The following ALMS1 variants were observed in gnomAD, a reference collection of about 807,000 sequenced individuals.
ALMS1 encodes centrosome-associated protein ALMS1.
ALMS1 carries 271 observed loss-of-function variants against 352.2 expected under a neutral mutation model. That is an observed-to-expected ratio of 0.77 (90% CI 0.70 to 0.85). The LOEUF (loss-of-function observed/expected upper bound fraction) is 0.85. Ranked by LOEUF, ALMS1 falls within the 40% of genes least tolerant of loss-of-function variation. The probability of loss-of-function intolerance (pLI) is 0.00; values close to 1 mark genes in which losing one functional copy is unlikely to be tolerated. For missense variants in ALMS1, 5,445 were observed against 4,870.7 expected, an observed-to-expected ratio of 1.12 and a Z score of -3.51; for synonymous variants, 1,865 against 1,761.2, an observed-to-expected ratio of 1.06 and a Z score of -1.48.
At chr2:73,535,157 G>A (rs1490427929) in intron 12 of ALMS1, among the ~76,000 whole-genome samples, 1 of 152,134 alleles carries the variant, frequency 6.6e-6, no homozygotes, top group Non-Finnish European at 1.5e-5. Context: ...GAAGGAAATT[G>A]TATGGATCAT....
chr2:73,538,798 G>A (rs1034507865), intron 12 of ALMS1, among the ~76,000 whole-genome samples: 1 of 152,216 alleles, frequency 6.6e-6, no homozygotes, highest in African/African-American at 2.4e-5. Context: ...TAGCACAGCA[G>A]TCTGAGATCA....
At chr2:73,395,085 T>A (rs1670734810) in intron 1 of ALMS1, among the ~76,000 whole-genome samples, 3 of 132,048 alleles carry the variant, frequency 2.3e-5, no homozygotes, top group African/African-American at 8.7e-5. Context: ...TATATTTTTT[T>A]TTTTTTTTTT....
At chr2:73,526,494 A>G (rs1315305155) in intron 11 of ALMS1, among the ~76,000 whole-genome samples, 1 of 152,126 alleles carries the variant, frequency 6.6e-6, no homozygotes, top group African/African-American at 2.4e-5. Context: ...TTTCCTTTAT[A>G]GAGATCTTTC....
At chr2:73,466,726 T>C (rs1037425387) in intron 9 of ALMS1, among the ~76,000 whole-genome samples, 7 of 152,052 alleles carry the variant, frequency 4.6e-5, no homozygotes, top group South Asian at 2.1e-4. Context: ...GTAGGAAATA[T>C]TAAAGAGCAA....
intron 11 of ALMS1, among the ~76,000 whole-genome samples, chr2:73,528,704 G>A (rs1489477053): frequency 6.6e-6 from 1 of 152,030 alleles, no homozygotes; most frequent in Non-Finnish European, 1.5e-5. Flanking sequence ...CTTTGGATAG[G>A]AGGATTTAGT....
chr2:73,481,578 A>G (rs1572961631), intron 9 of ALMS1, among the ~76,000 whole-genome samples: 1 of 151,852 alleles, frequency 6.6e-6, no homozygotes. Flanking sequence ...TTGGTTCCAT[A>G]TGAACTTTAA....
intron 1 of ALMS1, among the ~76,000 whole-genome samples, chr2:73,395,308 G>C (rs1186856574): frequency 6.6e-6 from 1 of 151,332 alleles, no homozygotes; most frequent in East Asian, 1.9e-4. Context: ...CCGAACTCCT[G>C]ACTCAAGTGA....
chr2:73,447,890 C>T, intron 7 of ALMS1, 70 bp from the exon 8 acceptor site: 6 of 1,475,134 alleles, frequency 4.1e-6, no homozygotes, highest in Non-Finnish European at 5.4e-6. Context: ...TCAAAGCTGG[C>T]TTTTTTCCAG....
At chr2:73,484,747 C>T (rs1218705284) in intron 9 of ALMS1, among the ~76,000 whole-genome samples, 4 of 152,152 alleles carry the variant, frequency 2.6e-5, no homozygotes, top group Non-Finnish European at 2.9e-5. Context: ...CACATAGTCC[C>T]ATATTTCTTG....
Position 73,609,821 on chromosome 2 carries a change from A to G in ALMS1, c.*209A>G, listed in dbSNP as rs573978557. 173 of 576,474 alleles carry G rather than the reference A, an allele frequency of 3.0e-4. 1 individual carries two copies. The highest frequency in any genetic ancestry group is 2.8e-4 in the African/African-American group (15 of 53,426). 35.7% of individuals were successfully genotyped at this position (576,474 alleles called of 1,614,324 possible). On this transcript the variant is annotated 3_prime_UTR_variant, in exon 23 of 23. Transcript: ENST00000613296. The stretch of plus-strand genomic sequence containing the variant: ...ACTTTCTGCATAGTGGCCTTGTCCA[A>G]TGGCCTGTGTGTTACAATGATATGA...
In ALMS1 at chr2:73,419,324, G is replaced by A; in HGVS notation, c.646+6G>A. ...CTTCTGTTCTCCACTGCTAGGTAATGCCTGTTTATTTTAACTAGTAGTAAT... is the reference window on the plus strand; with the variant it reads ...CTTCTGTTCTCCACTGCTAGGTAATACCTGTTTATTTTAACTAGTAGTAAT... On this transcript the variant is annotated splice_donor_region_variant and intron_variant, in intron 3 of 22. Transcript: ENST00000613296. The A allele has an allele frequency of 6.2e-7, 1 of 1,612,638 alleles. No individual in the cohort carries two copies. The highest frequency in any genetic ancestry group is 8.5e-7 in the Non-Finnish European group (1 of 1,178,704).
rs776530785 is a variant in ALMS1, at chr2:73,489,914, C to T, written c.7955C>T (p.Ser2652Phe). 13 of 1,614,166 alleles carry T rather than the reference C, an allele frequency of 8.1e-6. No individual in the cohort carries two copies. Among genetic ancestry groups the T allele is most frequent in the Non-Finnish European group, 1.0e-5 (12 of 1,180,012 alleles). ...AATTCCTTGCAGTTAAAAAGTCATT[C>T]CCCATTTCAGAACTTTATACCTGAT... ...VWNSLQLKSH[S>F]PFQNFIPDEF... Residue 2652 changes from serine to phenylalanine, a missense_variant, in exon 10 of 23, where the codon TCC becomes TTC. Physicochemically the swap from Ser to Phe is radical, Grantham distance 155. Transcript: ENST00000613296.
rs538387024 is a variant in ALMS1, at chr2:73,464,421, A to G, written c.7674+9126A>G. 3.9e-5 allele frequency among the ~76,000 whole-genome samples: 6 copies of G among 152,280 alleles called. No individual in the cohort carries two copies. The South Asian group carries it at 1.2e-3, about 32-fold the overall frequency. On this transcript the variant is annotated intron_variant, in intron 9 of 22. Coordinates refer to ENST00000613296, the MANE Select transcript of ALMS1 (RefSeq NM_001378454.1). The stretch of plus-strand genomic sequence containing the variant: ...CCCTTCATGCTAGAAACTCTCAATA[A>G]ATGAGGTATTGATGGGATGTATCTC...
chr2:73,420,559 GCTTT>G (rs1671263461), intron 3 of ALMS1, among the ~76,000 whole-genome samples: 1 of 152,096 alleles, frequency 6.6e-6, no homozygotes, highest in Non-Finnish European at 1.5e-5. Context: ...GTAAAAAAGA[GCTTT>G]CTAATAGAGC....
At chr2:73,454,481 CT>C in intron 8 of ALMS1, 1 of 639,608 alleles carries the variant, frequency 1.6e-6, no homozygotes, top group Non-Finnish European at 1.9e-6. Context: ...TTGCTGTGCT[CT>C]AAATTGCTTT....
At chr2:73,412,883 A>G (rs1671106718) in intron 2 of ALMS1, among the ~76,000 whole-genome samples, 1 of 152,166 alleles carries the variant, frequency 6.6e-6, no homozygotes, top group Admixed American at 6.5e-5. Context: ...GAAAGTACCA[A>G]ACTGTTTTTC....
At chr2:73,560,927 C>T (rs927725994) in intron 15 of ALMS1, among the ~76,000 whole-genome samples, 4 of 152,230 alleles carry the variant, frequency 2.6e-5, no homozygotes, top group Admixed American at 2.6e-4. Context: ...TCAGGCCCAG[C>T]AGACTCACGT....
Position 73,450,640 on chromosome 2 carries a change from T to C in ALMS1, c.4113T>C (p.Thr1371=), listed in dbSNP as rs1177210294. ...SVASEPVDQT[T]GTPTVTSTSY... The stretch of plus-strand genomic sequence containing the variant: ...CCTCTGAACCAGTTGACCAGACAAC[T>C]GGCACACCAACTGTAACCTCTACTT... The change falls in exon 8 of 23, where the codon ACT becomes ACC. Residue 1371 remains threonine, a synonymous_variant. Transcript: ENST00000613296. The C allele has an allele frequency of 6.2e-7, 1 of 1,613,506 alleles. No individual in the cohort carries two copies. Among genetic ancestry groups the C allele is most frequent in the Non-Finnish European group, 8.5e-7 (1 of 1,179,970 alleles).
intron 13 of ALMS1, 63 bp from the exon 14 acceptor site, chr2:73,557,157 A>T (rs530827006): frequency 6.2e-7 from 1 of 1,606,574 alleles, no homozygotes; most frequent in East Asian, 2.2e-5. Context: ...GTGGGGGAGG[A>T]TTACTTGTCT....
Sources: gnomAD v4.1 joint callset for allele counts (sites outside exome capture counted in the v4.1 genomes callset) on GRCh38, gnomAD v4.1.1 for gene constraint, MANE v1.5 for transcripts, NCBI Gene and HGNC (gene_info 2026-07-23, HGNC 2026-07-21) for gene names.